UNC5D: variants seen among roughly 807,000 people sequenced by gnomAD.
UNC5D encodes the protein unc-5 netrin receptor D.
A neutral mutation model predicts 105.4 loss-of-function variants in UNC5D; 39 were observed. The observed-to-expected ratio is 0.37, with a 90% confidence interval of 0.29 to 0.48. The LOEUF is 0.48. Among genes scored for constraint, UNC5D ranks in the 20% least tolerant of loss-of-function variants. The probability of loss-of-function intolerance (pLI) is 0.98; values close to 1 mark genes in which losing one functional copy is unlikely to be tolerated. For missense variants in UNC5D, 991 were observed against 1,202.4 expected (o/e 0.82, Z 2.60); for synonymous variants, 452 against 450.4 (o/e 1.00, Z -0.04).
intron 3 of UNC5D, among the ~76,000 whole-genome samples, chr8:35,574,585 A>G (rs1167778999): frequency 6.6e-6 from 1 of 152,180 alleles, no homozygotes; most frequent in Non-Finnish European, 1.5e-5. Context: ...AAAATGATGG[A>G]AGAGAGACAT....
chr8:35,395,513 C>T (rs1358228058), intron 1 of UNC5D, among the ~76,000 whole-genome samples: 2 of 152,124 alleles, frequency 1.3e-5, no homozygotes, highest in African/African-American at 4.8e-5. Context: ...GTCTATATTG[C>T]TCAAGTTGTC....
chr8:35,259,512 T>C (rs1804300277), intron 1 of UNC5D, among the ~76,000 whole-genome samples: 2 of 152,184 alleles, frequency 1.3e-5, no homozygotes, highest in Admixed American at 1.3e-4. Flanking sequence ...CAGGGTGCTA[T>C]ATATTATTAC....
intron 1 of UNC5D, among the ~76,000 whole-genome samples, chr8:35,540,961 A>G (rs1563516611): frequency 6.6e-6 from 1 of 152,164 alleles, no homozygotes; most frequent in Non-Finnish European, 1.5e-5. Context: ...CTGTAAACCA[A>G]GACAGCTTTC....
intron 9 of UNC5D, among the ~76,000 whole-genome samples, chr8:35,725,772 C>T (rs541682247): frequency 5.1e-4 from 77 of 152,268 alleles, no homozygotes; most frequent in Non-Finnish European, 1.0e-3. Flanking sequence ...AACTTGACTG[C>T]AAAACATCTC....
At chr8:35,566,005 G>A (rs993816238) in intron 2 of UNC5D, among the ~76,000 whole-genome samples, 5 of 152,102 alleles carry the variant, frequency 3.3e-5, no homozygotes, top group African/African-American at 1.2e-4. Context: ...AAAAAACAAA[G>A]CAGCAGGAAC....
intron 7 of UNC5D, among the ~76,000 whole-genome samples, chr8:35,702,962 C>A (rs1486808419): frequency 6.6e-6 from 1 of 152,110 alleles, no homozygotes; most frequent in African/African-American, 2.4e-5. Context: ...TCTTTGGTTG[C>A]TGGTCTGCAC....
chr8:35,315,447 G>A (rs893431221), intron 1 of UNC5D, among the ~76,000 whole-genome samples: 1 of 152,138 alleles, frequency 6.6e-6, no homozygotes, highest in Non-Finnish European at 1.5e-5. Flanking sequence ...TGGGGCAGTG[G>A]AGATGACTGG....
At chr8:35,720,454 T>C (rs1297300835) in intron 8 of UNC5D, among the ~76,000 whole-genome samples, 1 of 152,192 alleles carries the variant, frequency 6.6e-6, no homozygotes, top group Non-Finnish European at 1.5e-5. Flanking sequence ...GGAAAAATGC[T>C]AGTTGGTTTT....
intron 3 of UNC5D, among the ~76,000 whole-genome samples, chr8:35,571,372 A>T (rs571124548): frequency 6.6e-6 from 1 of 152,220 alleles, no homozygotes; most frequent in Non-Finnish European, 1.5e-5. Context: ...AATATTTGCA[A>T]CACATACTTA....
intron 4 of UNC5D, among the ~76,000 whole-genome samples, chr8:35,627,348 A>G (rs1821750389): frequency 6.6e-6 from 1 of 152,190 alleles, no homozygotes; most frequent in Non-Finnish European, 1.5e-5. Flanking sequence ...AATTTGATTC[A>G]TCATCCTGCA....
chr8:35,441,473 C>G (rs1292212601), intron 1 of UNC5D, among the ~76,000 whole-genome samples: 1 of 151,620 alleles, frequency 6.6e-6, no homozygotes, highest in Admixed American at 6.6e-5. Flanking sequence ...TCACGGAGGG[C>G]CTTGGAATGT....
intron 10 of UNC5D, among the ~76,000 whole-genome samples, chr8:35,729,265 G>C (rs1265443397): frequency 1.3e-5 from 2 of 152,146 alleles, no homozygotes; most frequent in African/African-American, 4.8e-5. Context: ...TCTTTCTTCT[G>C]TTTTGCTATG....
chr8:35,607,509 G>A (rs1820375401), intron 4 of UNC5D, among the ~76,000 whole-genome samples: 2 of 152,094 alleles, frequency 1.3e-5, no homozygotes, highest in South Asian at 2.1e-4. Flanking sequence ...TGATATGATT[G>A]TGCTTTGTGT....
chr8:35,442,823 G>T (rs1807495801), intron 1 of UNC5D, among the ~76,000 whole-genome samples: 1 of 151,332 alleles, frequency 6.6e-6, no homozygotes, highest in Non-Finnish European at 1.5e-5. Context: ...ATTACCTTGG[G>T]TTGGTTGTAA....
At chr8:35,546,457 A>C (rs1023620264) in intron 1 of UNC5D, among the ~76,000 whole-genome samples, 5 of 152,186 alleles carry the variant, frequency 3.3e-5, no homozygotes, top group Non-Finnish European at 4.4e-5. Context: ...AGACGTATTC[A>C]TGCGTTGTTA....
At chr8:35,373,722 G>C (rs1802545395) in intron 1 of UNC5D, among the ~76,000 whole-genome samples, 1 of 152,194 alleles carries the variant, frequency 6.6e-6, no homozygotes, top group Non-Finnish European at 1.5e-5. Context: ...GAAGAGATTA[G>C]AGTCAACTAT....
chr8:35,401,997 G>T (rs573508962), intron 1 of UNC5D, among the ~76,000 whole-genome samples: 1 of 152,042 alleles, frequency 6.6e-6, no homozygotes, highest in African/African-American at 2.4e-5. Context: ...GCTTTTTCTC[G>T]TGTACATACC....
chr8:35,630,245 T>C (rs567899513), intron 4 of UNC5D, among the ~76,000 whole-genome samples: 2 of 152,244 alleles, frequency 1.3e-5, no homozygotes, highest in African/African-American at 4.8e-5. Flanking sequence ...TTTCAGCAAC[T>C]TGGGCCATAT....
At chr8:35,310,124 T>C (rs1272047711) in intron 1 of UNC5D, among the ~76,000 whole-genome samples, 1 of 152,192 alleles carries the variant, frequency 6.6e-6, no homozygotes, top group African/African-American at 2.4e-5. Flanking sequence ...AGTGTCTCTT[T>C]AAAAAGACTG....
Sources: gnomAD v4.1 joint callset for allele counts (sites outside exome capture counted in the v4.1 genomes callset) on GRCh38, gnomAD v4.1.1 for gene constraint, MANE v1.5 for transcripts, NCBI Gene and HGNC (gene_info 2026-07-23, HGNC 2026-07-21) for gene names.